The following MGAT4C variants were observed in gnomAD, a reference collection of about 807,000 sequenced individuals.
MGAT4C encodes the protein alpha-1,3-mannosyl-glycoprotein 4-beta-N-acetylglucosaminyltransferase C.
MGAT4C carries 19 observed loss-of-function variants against 40.1 expected under a neutral mutation model. The ratio of observed to expected loss-of-function variants is 0.47; its 90% CI spans 0.33 to 0.70. The LOEUF is 0.70. Among genes scored for constraint, MGAT4C ranks in the 30% least tolerant of loss-of-function variants. The pLI is 0.02. For synonymous variants in MGAT4C, 181 were observed against 187.1 expected (o/e 0.97, Z 0.27); for missense variants, 491 against 563.2 (o/e 0.87, Z 1.30).
chr12:86,557,361 T>G (rs1270128134), intron 2 of MGAT4C, among the ~76,000 whole-genome samples: 1 of 152,188 alleles, frequency 6.6e-6, no homozygotes, highest in African/African-American at 2.4e-5. Flanking sequence ...CTTGGGGTCC[T>G]GGGGTTCAGC....
chr12:86,729,697 C>T (rs1422101479), intron 1 of MGAT4C, among the ~76,000 whole-genome samples: 1 of 151,926 alleles, frequency 6.6e-6, no homozygotes, highest in Non-Finnish European at 1.5e-5. Context: ...GGATGATATG[C>T]ATTTGAAGAA....
chr12:86,079,790 C>T (rs1158476237), intron 1 of MGAT4C, among the ~76,000 whole-genome samples: 1 of 151,298 alleles, frequency 6.6e-6, no homozygotes, highest in Non-Finnish European at 1.5e-5. Context: ...TATACAAATA[C>T]AAACATATTT....
At chr12:86,278,196 T>TTTTTC (rs1953125202) in intron 4 of MGAT4C, among the ~76,000 whole-genome samples, 1 of 149,694 alleles carries the variant, frequency 6.7e-6, no homozygotes, top group Non-Finnish European at 1.5e-5. Context: ...TTTTTTTTTT[T>TTTTTC]AAGATGGAGT....
intron 1 of MGAT4C, among the ~76,000 whole-genome samples, chr12:86,195,343 T>A (rs1949762572): frequency 6.6e-6 from 1 of 152,178 alleles, no homozygotes; most frequent in Non-Finnish European, 1.5e-5. Flanking sequence ...TGTTTTGTCT[T>A]CTATAGGCCA....
chr12:86,049,364 T>G (rs543737037), intron 2 of MGAT4C, among the ~76,000 whole-genome samples: 2 of 152,006 alleles, frequency 1.3e-5, no homozygotes, highest in African/African-American at 2.4e-5. Flanking sequence ...ATGCCTTAAT[T>G]GTATTAGTTG....
chr12:86,640,590 GT>G (rs1963351986), intron 2 of MGAT4C, among the ~76,000 whole-genome samples: 1 of 151,828 alleles, frequency 6.6e-6, no homozygotes, highest in Non-Finnish European at 1.5e-5. Flanking sequence ...GGTTTTTTGA[GT>G]CTCTATTTCC....
At chr12:86,177,004 A>C (rs377695737) in intron 1 of MGAT4C, among the ~76,000 whole-genome samples, 55 of 151,946 alleles carry the variant, frequency 3.6e-4, no homozygotes, top group African/African-American at 1.1e-3. Flanking sequence ...GTGAAGAAGC[A>C]GGTCAGTATA....
At chr12:86,584,424 A>G (rs1960921576) in intron 2 of MGAT4C, among the ~76,000 whole-genome samples, 1 of 151,248 alleles carries the variant, frequency 6.6e-6, no homozygotes, top group Admixed American at 6.6e-5. Flanking sequence ...AGTTTTCCTA[A>G]GAAAACAATA....
At chr12:86,094,969 T>C (rs1415963165) in intron 1 of MGAT4C, among the ~76,000 whole-genome samples, 1 of 152,140 alleles carries the variant, frequency 6.6e-6, no homozygotes, top group African/African-American at 2.4e-5. Context: ...CAGCAAAAGC[T>C]GTGGTGGCAG....
intron 1 of MGAT4C, among the ~76,000 whole-genome samples, chr12:86,145,294 T>A (rs1883368474): frequency 6.6e-6 from 1 of 152,122 alleles, no homozygotes; most frequent in African/African-American, 2.4e-5. Flanking sequence ...TTTATGCAAA[T>A]TGGTAGGAGA....
At chr12:86,210,766 G>A (rs1210517166) in intron 1 of MGAT4C, among the ~76,000 whole-genome samples, 1 of 152,190 alleles carries the variant, frequency 6.6e-6, no homozygotes. Flanking sequence ...TTACTCAAGA[G>A]TGACACATAT....
intron 2 of MGAT4C, among the ~76,000 whole-genome samples, chr12:86,558,044 C>T (rs1959693235): frequency 6.6e-6 from 1 of 151,294 alleles, no homozygotes; most frequent in Admixed American, 6.6e-5. Flanking sequence ...AATAGAAATC[C>T]TGGAAATTAA....
intron 2 of MGAT4C, among the ~76,000 whole-genome samples, chr12:86,010,693 C>A (rs1187644717): frequency 5.4e-5 from 3 of 56,062 alleles, no homozygotes; most frequent in African/African-American, 2.1e-4. Context: ...AACAAACAAA[C>A]CAACAAACAA....
rs115752290 is a variant in MGAT4C at position 85,973,326 on chromosome 12, T to G, written c.*5963A>C. 708 of 151,034 alleles carry G rather than the reference T, an allele frequency of 4.7e-3. 3 individuals carry two copies. The highest frequency in any genetic ancestry group is 0.017 in the African/African-American group (692 of 41,450). The allele number at this position is 151,034 out of a possible 1,614,324, so 9.4% of individuals were successfully genotyped here. ...ATATATGCATTTATTTTGGTAATTT[T>G]TATACATCAAAACTATAATTACCTG... is the stretch of plus-strand genomic sequence containing the variant. On this transcript the variant is annotated 3_prime_UTR_variant, in exon 5 of 5. Coordinates refer to ENST00000611864, the MANE Select transcript of MGAT4C (RefSeq NM_001351288.2).
In MGAT4C at chr12:85,989,281, T is replaced by C. The variant is rs986227148; in HGVS notation, c.147+119A>G. The C allele has an allele frequency of 7.2e-6, 6 of 837,916 alleles. No homozygotes were observed. In the Admixed American group the frequency reaches 1.4e-4, roughly 20 times the overall value. 51.9% of individuals were successfully genotyped at this position (837,916 alleles called of 1,614,324 possible). ...AAAATAGACAATATACATGTTATAA[T>C]TTTGCTCAAACTAAGTCTTCTCCAA... On this transcript the variant is annotated intron_variant, in intron 3 of 4. Transcript: ENST00000611864.
intron 2 of MGAT4C, among the ~76,000 whole-genome samples, chr12:86,021,284 C>A (rs1387642838): frequency 1.3e-5 from 2 of 152,074 alleles, no homozygotes; most frequent in Admixed American, 1.3e-4. Flanking sequence ...AAGACACATG[C>A]ACACGTATGT....
At chr12:86,657,182 C>G (rs928214368) in intron 2 of MGAT4C, among the ~76,000 whole-genome samples, 42 of 151,900 alleles carry the variant, frequency 2.8e-4, no homozygotes, top group African/African-American at 9.9e-4. Context: ...AAAGCAAAAT[C>G]TGGCATACAA....
chr12:86,596,369 T>TA (rs1961538208), intron 2 of MGAT4C, among the ~76,000 whole-genome samples: 1 of 152,054 alleles, frequency 6.6e-6, no homozygotes, highest in Non-Finnish European at 1.5e-5. Flanking sequence ...GGCCAGAAAT[T>TA]AAAACTATTC....
intron 1 of MGAT4C, among the ~76,000 whole-genome samples, chr12:86,108,073 T>G (rs980481656): frequency 1.4e-4 from 22 of 152,110 alleles, no homozygotes; most frequent in Non-Finnish European, 2.9e-4. Flanking sequence ...AGCTGGAGAA[T>G]TGGAAAAATA....
Sources: allele counts gnomAD v4.1 joint callset (sites outside exome capture counted in the v4.1 genomes callset), GRCh38; gene constraint gnomAD v4.1.1; transcripts MANE v1.5; gene names NCBI Gene and HGNC (gene_info 2026-07-23, HGNC 2026-07-21).